Variants in GRIA1 observed in about 807,000 individuals in gnomAD.
GRIA1 encodes glutamate receptor 1.
Under a neutral mutation model 99.2 loss-of-function variants are expected in GRIA1, and 31 were observed. The observed-to-expected ratio is 0.31, with a 90% CI of 0.23 to 0.42. GRIA1 has a LOEUF of 0.42. GRIA1 is among the 10% of genes least tolerant of loss of function. The pLI is 1.00. For synonymous variants in GRIA1, 438 were observed against 432.4 expected, an observed-to-expected ratio of 1.01 and a Z score of -0.16; for missense variants, 782 against 1,157.5, an observed-to-expected ratio of 0.68 and a Z score of 4.71.
chr5:153,657,836 C>T (rs1263528217), intron 5 of GRIA1, among the ~76,000 whole-genome samples: 1 of 152,168 alleles, frequency 6.6e-6, no homozygotes, highest in East Asian at 1.9e-4. Context: ...TATTACCTTT[C>T]TCAGAGGTAT....
intron 11 of GRIA1, among the ~76,000 whole-genome samples, chr5:153,707,593 G>A (rs12523051): frequency 0.3 from 44,831 of 151,960 alleles, 6,787 homozygotes; most frequent in East Asian, 0.42. Context: ...GGACAGATCT[G>A]GAGGCATAAG....
intron 2 of GRIA1, among the ~76,000 whole-genome samples, chr5:153,541,706 C>T (rs185657095): frequency 2.0e-4 from 30 of 152,058 alleles, no homozygotes; most frequent in Non-Finnish European, 2.9e-4. Context: ...TCAAAGCAGG[C>T]GGATCAAGAG....
intron 2 of GRIA1, among the ~76,000 whole-genome samples, chr5:153,616,738 A>G (rs1468414887): frequency 6.6e-6 from 1 of 152,098 alleles, no homozygotes; most frequent in Non-Finnish European, 1.5e-5. Flanking sequence ...CAATTCCAAG[A>G]GAGGAGTGTA....
chr5:153,673,910 T>C (rs1044707760), intron 5 of GRIA1, among the ~76,000 whole-genome samples: 3 of 152,190 alleles, frequency 2.0e-5, no homozygotes, highest in Non-Finnish European at 4.4e-5. Context: ...CCCTGTTGTA[T>C]GGAAAAGAGC....
At chr5:153,543,186 G>A (rs1022057380) in intron 2 of GRIA1, among the ~76,000 whole-genome samples, 1 of 152,164 alleles carries the variant, frequency 6.6e-6, no homozygotes, top group Admixed American at 6.6e-5. Context: ...GGTGATACCT[G>A]AGTGGAGGTA....
At chr5:153,493,235 T>C (rs1034726771) in intron 1 of GRIA1, among the ~76,000 whole-genome samples, 1 of 152,226 alleles carries the variant, frequency 6.6e-6, no homozygotes. Context: ...AAACACACAA[T>C]GGCAATCCCT....
rs558392847 is a variant in GRIA1 at position 153,670,970 on chromosome 5, T to C, written c.700-3530T>C. Among the ~76,000 whole-genome samples the C allele has an allele frequency of 2.0e-5, 3 of 152,332 alleles. No individual in the cohort carries two copies. The East Asian group carries it at 5.8e-4, about 29-fold the overall frequency. On this transcript the variant is annotated intron_variant, in intron 5 of 15. Coordinates refer to ENST00000285900, the MANE Select transcript of GRIA1 (RefSeq NM_000827.4). Reference sequence around the variant, plus strand: ...ATGAAATCTGAAATAGGAGGGAAGATGTCAGCTATTAGATGAGAATATAGT... The same window carrying C: ...ATGAAATCTGAAATAGGAGGGAAGACGTCAGCTATTAGATGAGAATATAGT...
rs116560028 is a variant in GRIA1 at position 153,765,231 on chromosome 5, C to A, written c.2022+599C>A. On this transcript the variant is annotated intron_variant, in intron 12 of 15. Transcript: ENST00000285900. ...TTAGGAGCACAGCCTTCAAGTTCAGCAGATGGAGGCCCAGAACCTGGCTCC... is the reference window on the plus strand; with the variant it reads ...TTAGGAGCACAGCCTTCAAGTTCAGAAGATGGAGGCCCAGAACCTGGCTCC... 4.4e-3 allele frequency among the ~76,000 whole-genome samples: 677 copies of A among 152,294 alleles called. 4 individuals are homozygous for A. The highest frequency in any genetic ancestry group is 0.015 in the African/African-American group (642 of 41,560).
At chr5:153,635,897 C>G (rs1753319078) in intron 2 of GRIA1, among the ~76,000 whole-genome samples, 1 of 152,224 alleles carries the variant, frequency 6.6e-6, no homozygotes, top group Non-Finnish European at 1.5e-5. Flanking sequence ...ATAGCCTCCT[C>G]TAGTCCAAAG....
In GRIA1 at chr5:153,811,013, C is replaced by T; in HGVS notation, c.2521-12C>T. ...AAGGACCCGGGGAAGAACCCCCGGTCCTCCTGAAAAGGGTTTTTGTTTGAT... is the reference window on the plus strand; with the variant it reads ...AAGGACCCGGGGAAGAACCCCCGGTTCTCCTGAAAAGGGTTTTTGTTTGAT... On this transcript the variant is annotated splice_polypyrimidine_tract_variant and intron_variant, in intron 15 of 15. Coordinates refer to ENST00000285900, the MANE Select transcript of GRIA1 (RefSeq NM_000827.4). 1 of 1,609,860 alleles carries T rather than the reference C, an allele frequency of 6.2e-7. No individual in the cohort carries two copies. The highest frequency in any genetic ancestry group is 8.5e-7 in the Non-Finnish European group (1 of 1,176,214).
At chr5:153,708,837 G>A (rs369595292) in intron 11 of GRIA1, among the ~76,000 whole-genome samples, 26 of 152,290 alleles carry the variant, frequency 1.7e-4, no homozygotes, top group African/African-American at 6.0e-4. Flanking sequence ...TGGGAGGAAG[G>A]GTTGGTGACT....
chr5:153,729,950 T>C (rs1304806936), intron 11 of GRIA1, among the ~76,000 whole-genome samples: 1 of 152,130 alleles, frequency 6.6e-6, no homozygotes, highest in African/African-American at 2.4e-5. Flanking sequence ...TACACATGTA[T>C]GCAATTATTG....
At chr5:153,805,569 C>A (rs1163669200) in intron 15 of GRIA1, among the ~76,000 whole-genome samples, 1 of 152,158 alleles carries the variant, frequency 6.6e-6, no homozygotes, top group African/African-American at 2.4e-5. Flanking sequence ...ATCCACCAAG[C>A]AGGAAAGCTC....
In GRIA1 at chr5:153,712,209, G is replaced by T. The variant is rs150826073; in HGVS notation, c.1823+6142G>T. Reference sequence around the variant, plus strand: ...TGGCATTACAGGCGTGTGCCACCATGCCCAGCTAATTGTTGTATTTTTAGT... The same window carrying T: ...TGGCATTACAGGCGTGTGCCACCATTCCCAGCTAATTGTTGTATTTTTAGT... On this transcript the variant is annotated intron_variant, in intron 11 of 15. Coordinates refer to ENST00000285900, the MANE Select transcript of GRIA1 (RefSeq NM_000827.4). Among the ~76,000 whole-genome samples, 1,444 of 152,124 alleles carry T rather than the reference G, an allele frequency of 9.5e-3. 23 individuals are homozygous for T. Among genetic ancestry groups the T allele is most frequent in the African/African-American group, 0.033 (1,374 of 41,498 alleles).
At chr5:153,559,619 G>A (rs778998801) in intron 2 of GRIA1, among the ~76,000 whole-genome samples, 5 of 152,016 alleles carry the variant, frequency 3.3e-5, no homozygotes, top group Non-Finnish European at 5.9e-5. Flanking sequence ...ATATGCAACT[G>A]GCAGCACAGT....
intron 2 of GRIA1, among the ~76,000 whole-genome samples, chr5:153,513,911 T>C (rs1276963260): frequency 2.6e-5 from 4 of 152,132 alleles, no homozygotes; most frequent in Non-Finnish European, 4.4e-5. Context: ...GAATGAAAAA[T>C]TGCTTGTGAA....
chr5:153,697,082 T>C (rs1758166111), intron 8 of GRIA1, among the ~76,000 whole-genome samples: 1 of 152,238 alleles, frequency 6.6e-6, no homozygotes, highest in Non-Finnish European at 1.5e-5. Context: ...CTTCATATCT[T>C]GGCTCATATT....
At chr5:153,581,617 G>C (rs72802636) in intron 2 of GRIA1, among the ~76,000 whole-genome samples, 15,264 of 152,012 alleles carry the variant, frequency 0.1, 899 homozygotes, top group South Asian at 0.25. Flanking sequence ...TCAGTACTTC[G>C]CTGACCTTCC....
chr5:153,764,653 A>T, intron 12 of GRIA1, 21 bp downstream of exon 12: 1 of 1,566,532 alleles, frequency 6.4e-7, no homozygotes, highest in Non-Finnish European at 8.8e-7. Flanking sequence ...CCTTTGTCCC[A>T]AGACACTTTC....
Sources: allele counts gnomAD v4.1 joint callset (sites outside exome capture counted in the v4.1 genomes callset), GRCh38; gene constraint gnomAD v4.1.1; transcripts MANE v1.5; gene names NCBI Gene and HGNC (gene_info 2026-07-23, HGNC 2026-07-21).